The following ADAM10 variants were observed in gnomAD, a reference collection of about 807,000 sequenced individuals.
ADAM10 encodes ADAM metallopeptidase domain 10.
Under a neutral mutation model 90.1 loss-of-function variants are expected in ADAM10, and 17 were observed. The ratio of observed to expected loss-of-function variants is 0.19; its 90% CI spans 0.13 to 0.28. The LOEUF (loss-of-function observed/expected upper bound fraction) is 0.28, where lower values mean the gene tolerates loss of function less well. Ranked by LOEUF, ADAM10 falls within the 10% of genes least tolerant of loss-of-function variation. The pLI is 1.00. For missense variants in ADAM10, 610 were observed against 914.3 expected (o/e 0.67, Z 4.29); for synonymous variants, 310 against 298.6 (o/e 1.04, Z -0.40).
At chr15:58,686,276 G>C in intron 2 of ADAM10, 1 of 580,910 alleles carries the variant, frequency 1.7e-6, no homozygotes, top group Non-Finnish European at 3.1e-6. Flanking sequence ...AGACTTTGTT[G>C]TCATTTAATA....
chr15:58,724,674 G>C (rs1898970060), intron 1 of ADAM10, among the ~76,000 whole-genome samples: 2 of 152,210 alleles, frequency 1.3e-5, no homozygotes, highest in Non-Finnish European at 2.9e-5. Context: ...ACCTCAAGTG[G>C]GGGTTCCCTA....
rs148457190 is a variant in ADAM10, at chr15:58,695,280, T to A, written c.207-12966A>T. On this transcript the variant is annotated intron_variant, in intron 2 of 15. Coordinates refer to ENST00000260408, the MANE Select transcript of ADAM10 (RefSeq NM_001110.4). Reference sequence around the variant, plus strand: ...GTAATCAACAAAGCCCAACACATCTTCTAAATGAGAACTCCACAAACTTAA... The same window carrying A: ...GTAATCAACAAAGCCCAACACATCTACTAAATGAGAACTCCACAAACTTAA... 1.2e-4 allele frequency among the ~76,000 whole-genome samples: 19 copies of A among 152,194 alleles called. No individual in the cohort carries two copies. The East Asian group carries it at 2.5e-3, about 20-fold the overall frequency.
At chr15:58,726,549 A>G (rs1289747215) in intron 1 of ADAM10, among the ~76,000 whole-genome samples, 6 of 114,352 alleles carry the variant, frequency 5.2e-5, no homozygotes, top group African/African-American at 2.0e-4. Flanking sequence ...TGGGCGACAG[A>G]GCGAGACCTC....
At chr15:58,617,157 A>T (rs759843014) in intron 11 of ADAM10, among the ~76,000 whole-genome samples, 1 of 152,030 alleles carries the variant, frequency 6.6e-6, no homozygotes, top group Non-Finnish European at 1.5e-5. Flanking sequence ...CAACAAAATG[A>T]ACAGTTGGTT....
intron 2 of ADAM10, among the ~76,000 whole-genome samples, chr15:58,716,027 G>A (rs372506091): frequency 1.3e-5 from 2 of 152,172 alleles, no homozygotes; most frequent in South Asian, 2.1e-4. Context: ...TGTTTATCTA[G>A]AAGAAAAGAC....
At chr15:58,666,182 T>A in intron 4 of ADAM10, among the ~76,000 whole-genome samples, 1 of 151,046 alleles carries the variant, frequency 6.6e-6, no homozygotes, top group African/African-American at 2.4e-5. Context: ...TTTCTCTTCC[T>A]TATTCAGTTT....
intron 4 of ADAM10, among the ~76,000 whole-genome samples, chr15:58,666,520 T>C (rs1280646609): frequency 6.6e-6 from 1 of 151,940 alleles, no homozygotes; most frequent in Non-Finnish European, 1.5e-5. Flanking sequence ...CACCAGTAAG[T>C]GCCAGTCATA....
intron 10 of ADAM10, among the ~76,000 whole-genome samples, chr15:58,623,580 T>G (rs528821063): frequency 1.3e-5 from 2 of 152,224 alleles, no homozygotes; most frequent in South Asian, 4.1e-4. Flanking sequence ...CCATCAATGA[T>G]AGACTGGATA....
intron 2 of ADAM10, among the ~76,000 whole-genome samples, chr15:58,686,106 C>T (rs1897593415): frequency 6.6e-6 from 1 of 152,148 alleles, no homozygotes; most frequent in Non-Finnish European, 1.5e-5. Flanking sequence ...TCTGCACAGG[C>T]GTTCACCTGT....
In ADAM10 at chr15:58,719,987, T is replaced by C. The variant is rs115055541; in HGVS notation, c.56-2260A>G. On this transcript the variant is annotated intron_variant, in intron 1 of 15. Coordinates refer to ENST00000260408, the MANE Select transcript of ADAM10 (RefSeq NM_001110.4). ...TCCTTTTCTTCCTTCTCCCACACTT[T>C]GCCTTTCAGACCAATATACACACAC... Among the ~76,000 whole-genome samples the C allele has an allele frequency of 9.2e-3, 1,397 of 152,344 alleles. 26 individuals carry two copies. The highest frequency in any genetic ancestry group is 0.032 in the African/African-American group (1,338 of 41,580).
At chr15:58,651,548 A>ATGACCTCCAG (rs1244447788) in intron 5 of ADAM10, among the ~76,000 whole-genome samples, 1 of 152,238 alleles carries the variant, frequency 6.6e-6, no homozygotes, top group Non-Finnish European at 1.5e-5. Context: ...ACTTAACATA[A>ATGACCTCCAG]TGACCTCCAG....
At chr15:58,662,649 A>G (rs548529860) in intron 5 of ADAM10, among the ~76,000 whole-genome samples, 60 of 152,238 alleles carry the variant, frequency 3.9e-4, no homozygotes, top group African/African-American at 1.4e-3. Flanking sequence ...ACCTGGCCCA[A>G]GTATTGTTTT....
rs1449460603 is a variant in ADAM10, at chr15:58,610,726, C to A, written c.1805-209G>T. ...TAAACAAGCAACCAGCAAGTCTTGA[C>A]TCAGTGTCCACGATGACTTAAAGTC... On this transcript the variant is annotated intron_variant, in intron 13 of 15. Coordinates refer to ENST00000260408, the MANE Select transcript of ADAM10 (RefSeq NM_001110.4). 3 of 660,826 alleles carry A rather than the reference C, an allele frequency of 4.5e-6. No individual in the cohort carries two copies. In the African/African-American group the frequency reaches 5.4e-5, roughly 12 times the overall value. 40.9% of individuals were successfully genotyped at this position (660,826 alleles called of 1,614,324 possible).
intron 5 of ADAM10, among the ~76,000 whole-genome samples, chr15:58,656,531 C>A (rs1347365524): frequency 1.3e-5 from 2 of 152,238 alleles, no homozygotes; most frequent in Admixed American, 1.3e-4. Context: ...TACTACCTTA[C>A]AATCCTTATT....
In ADAM10 at chr15:58,717,324, A is replaced by G. The variant is rs140240054; in HGVS notation, c.206+253T>C. 1.3e-3 allele frequency among the ~76,000 whole-genome samples: 197 copies of G among 152,358 alleles called. 1 individual carries two copies. Among genetic ancestry groups the G allele is most frequent in the African/African-American group, 4.3e-3 (180 of 41,586 alleles). ...TGTACACAGAATCTTCTTTAAAGAC[A>G]TATCTTTTACTAATGTAAGATCTGA... On this transcript the variant is annotated intron_variant, in intron 2 of 15. Coordinates refer to ENST00000260408, the MANE Select transcript of ADAM10 (RefSeq NM_001110.4).
intron 1 of ADAM10, among the ~76,000 whole-genome samples, chr15:58,726,877 A>AAGGGGAGGGG (rs1899048482): frequency 2.8e-5 from 4 of 142,126 alleles, no homozygotes; most frequent in South Asian, 2.5e-4. Context: ...TCCATCTCCG[A>AAGGGGAGGGG]AGGGGAGGGG....
chr15:58,730,088 T>G (rs1899187441), intron 1 of ADAM10, among the ~76,000 whole-genome samples: 2 of 152,098 alleles, frequency 1.3e-5, no homozygotes, highest in Non-Finnish European at 2.9e-5. Flanking sequence ...ATCGGAAAAT[T>G]TAAAGATCCA....
Position 58,730,016 on chromosome 15 carries a change from T to G in ADAM10, c.56-12289A>C, listed in dbSNP as rs1044478001. On this transcript the variant is annotated intron_variant, in intron 1 of 15. Coordinates refer to ENST00000260408, the MANE Select transcript of ADAM10 (RefSeq NM_001110.4). ...CAAACAAACAAACAAAAAAAAAAAC[T>G]CATTGAAGCACTTTAGATTTTCACA... Among the ~76,000 whole-genome samples the G allele has an allele frequency of 4.9e-5, 7 of 141,590 alleles. No individual in the cohort carries two copies. The Admixed American group carries it at 5.0e-4, about 10-fold the overall frequency. The allele number at this position is 141,590 out of a possible 152,430, so 92.9% of individuals were successfully genotyped here. A position where few individuals can be genotyped will look rare whatever the true frequency, so the allele number is the denominator to read the frequency against.
chr15:58,625,329 T>C (rs1368883886), intron 10 of ADAM10, among the ~76,000 whole-genome samples: 6 of 152,062 alleles, frequency 3.9e-5, no homozygotes, highest in African/African-American at 1.4e-4. Flanking sequence ...CCACTAATGA[T>C]CACTAAAATG....
Sources: allele counts gnomAD v4.1 joint callset (sites outside exome capture counted in the v4.1 genomes callset), GRCh38; gene constraint gnomAD v4.1.1; transcripts MANE v1.5; gene names NCBI Gene and HGNC (gene_info 2026-07-23, HGNC 2026-07-21).